Variants in DRC8 observed in about 807,000 individuals in gnomAD.
DRC8 encodes the protein dynein regulatory complex protein 8.
the DRC8 span, among the ~76,000 whole-genome samples, chr1:245,048,960 G>T: frequency 6.7e-6 from 1 of 148,558 alleles, no homozygotes; most frequent in Non-Finnish European, 1.5e-5. Context: ...GCACCGCTGG[G>T]GTCTTCCTTT....
At chr1:245,064,446 C>T in the DRC8 span, among the ~76,000 whole-genome samples, 46 of 152,280 alleles carry the variant, frequency 3.0e-4, no homozygotes, top group African/African-American at 9.9e-4. Context: ...TGGTTGACCT[C>T]GACATCTGTG....
the DRC8 span, chr1:245,083,411 G>T: frequency 1.2e-6 from 2 of 1,601,962 alleles, no homozygotes; most frequent in South Asian, 2.2e-5. Flanking sequence ...TAAATACCAC[G>T]GCATTTACTC....
the DRC8 span, among the ~76,000 whole-genome samples, chr1:245,089,828 G>A: frequency 1.3e-5 from 2 of 152,176 alleles, no homozygotes; most frequent in Admixed American, 6.5e-5. This position sits in a 1 kb window ranked among gnomAD's most constrained non-coding sequence, Gnocchi z 4.8. Context: ...CACAGAGAAG[G>A]TGAAGGGAGG....
chr1:244,982,785 T>C, the DRC8 span, among the ~76,000 whole-genome samples: 954 of 150,706 alleles, frequency 6.3e-3, 10 homozygotes, highest in African/African-American at 0.022. Flanking sequence ...GCAGAAGAAA[T>C]ATTTGAAAAA....
At chr1:245,023,564 G>T in the DRC8 span, among the ~76,000 whole-genome samples, 1 of 152,170 alleles carries the variant, frequency 6.6e-6, no homozygotes, top group South Asian at 2.1e-4. Flanking sequence ...TTTTGGAGGG[G>T]GGTGTTGTTG....
chr1:245,046,690 TC>T, the DRC8 span, among the ~76,000 whole-genome samples: 7,865 of 152,298 alleles, frequency 0.052, 294 homozygotes, highest in Non-Finnish European at 0.079. Context: ...TTGTTTTTAT[TC>T]TCATCTCAAG....
the DRC8 span, chr1:245,087,600 A>G: frequency 8.0e-4 from 891 of 1,110,294 alleles, 2 homozygotes; most frequent in African/African-American, 8.3e-3. Context: ...TTTTAACATT[A>G]GAATGGATTG....
At chr1:245,083,528 C>T in the DRC8 span, 119 of 1,571,980 alleles carry the variant, frequency 7.6e-5, no homozygotes, top group Non-Finnish European at 9.9e-5. Flanking sequence ...TATATAAATA[C>T]ATTTATTTAC....
the DRC8 span, chr1:245,002,326 C>A: frequency 1.0e-6 from 1 of 974,642 alleles, no homozygotes; most frequent in Non-Finnish European, 1.6e-6. Flanking sequence ...AAGTTATCCT[C>A]ATTGATTATA....
At chr1:245,008,534 A>G in the DRC8 span, among the ~76,000 whole-genome samples, 1 of 152,148 alleles carries the variant, frequency 6.6e-6, no homozygotes, top group African/African-American at 2.4e-5. Context: ...GAGCTCTTCA[A>G]TTTTTGATCA....
At chr1:245,006,944 AAACAACAAC>A in the DRC8 span, among the ~76,000 whole-genome samples, 1 of 151,240 alleles carries the variant, frequency 6.6e-6, no homozygotes, top group Non-Finnish European at 1.5e-5. Flanking sequence ...AAAAACAAAC[AAACAACAAC>A]AACAACAACA....
chr1:245,119,637 T>TCAA, the DRC8 span, among the ~76,000 whole-genome samples: 1 of 135,008 alleles, frequency 7.4e-6, no homozygotes, highest in African/African-American at 2.8e-5. Flanking sequence ...AGACCCTGTC[T>TCAA]AAAAAAAAAA....
At chr1:245,058,417 A>T in the DRC8 span, among the ~76,000 whole-genome samples, 7 of 152,338 alleles carry the variant, frequency 4.6e-5, no homozygotes, top group African/African-American at 1.4e-4. Flanking sequence ...TACTGACTTT[A>T]GGTTTCACTT....
the DRC8 span, among the ~76,000 whole-genome samples, chr1:245,014,745 C>G: frequency 6.6e-6 from 1 of 152,076 alleles, no homozygotes; most frequent in Non-Finnish European, 1.5e-5. Context: ...CACTCAATAA[C>G]TCTGTGATCT....
the DRC8 span, among the ~76,000 whole-genome samples, chr1:245,076,741 T>C: frequency 3.9e-5 from 6 of 151,988 alleles, no homozygotes; most frequent in African/African-American, 1.4e-4. Context: ...TTTTTTGGTT[T>C]GTTTGTGTTT....
the DRC8 span, among the ~76,000 whole-genome samples, chr1:244,979,214 C>A: frequency 6.6e-6 from 1 of 150,732 alleles, no homozygotes; most frequent in Admixed American, 6.6e-5. Context: ...TGCATATACC[C>A]AGAGCATGGC....
chr1:245,114,924 C>T, the DRC8 span, among the ~76,000 whole-genome samples: 1 of 151,964 alleles, frequency 6.6e-6, no homozygotes, highest in Non-Finnish European at 1.5e-5. Context: ...TGGGGTTCTG[C>T]CATGTTGGTC....
chr1:245,118,985 C>T, the DRC8 span, among the ~76,000 whole-genome samples: 1 of 152,070 alleles, frequency 6.6e-6, no homozygotes, highest in African/African-American at 2.4e-5. Flanking sequence ...TGGGGCAGGG[C>T]CAAGGCTGTA....
At chr1:244,969,802 A>G in the DRC8 span, 1 of 317,012 alleles carries the variant, frequency 3.2e-6, no homozygotes, top group Non-Finnish European at 5.8e-6. Flanking sequence ...AAGGACGGTG[A>G]AGACTGGACG....
Sources: gnomAD v4.1 joint callset for allele counts (sites outside exome capture counted in the v4.1 genomes callset) on GRCh38, gnomAD v4.1.1 for gene constraint, Gnocchi (gnomAD v3.1) non-coding constraint, MANE v1.5 for transcripts, NCBI Gene and HGNC (gene_info 2026-07-23, HGNC 2026-07-21) for gene names.